Variants in GGA2 observed in about 807,000 individuals in gnomAD.
The protein encoded by GGA2 is golgi associated, gamma adaptin ear containing, ARF binding protein 2.
In GGA2, 48 loss-of-function variants were observed where a neutral mutation model predicts 79.5. That is an observed-to-expected ratio of 0.60 (90% CI 0.48 to 0.77). The LOEUF (loss-of-function observed/expected upper bound fraction) is 0.77. GGA2 is among the 30% of genes least tolerant of loss of function. The pLI, the probability that GGA2 is intolerant of heterozygous loss-of-function variation, is 0.00. For synonymous variants in GGA2, 317 were observed against 302.0 expected (o/e 1.05, Z -0.51); for missense variants, 770 against 774.0 (o/e 0.99, Z 0.06).
intron 10 of GGA2, 64 bp from the exon 11 acceptor site, chr16:23,479,951 C>T (rs1596981092): frequency 6.5e-7 from 1 of 1,544,460 alleles, no homozygotes; most frequent in East Asian, 2.3e-5. Context: ...CCACATAAAT[C>T]CTATCAGCTT....
intron 5 of GGA2, 93 bp downstream of exon 5, chr16:23,491,584 A>C (rs1007588901): frequency 1.7e-6 from 2 of 1,149,510 alleles, no homozygotes; most frequent in African/African-American, 3.1e-5. Context: ...CATAAGAAGT[A>C]CAGCTTTCAA....
At chr16:23,474,474 C>G (rs139549457) in intron 14 of GGA2, among the ~76,000 whole-genome samples, 2,023 of 152,198 alleles carry the variant, frequency 0.013, 47 homozygotes, top group African/African-American at 0.046. Flanking sequence ...TCTCCTGCCT[C>G]AGCCTCCCAA....
chr16:23,499,930 G>C (rs1964902168), intron 1 of GGA2, among the ~76,000 whole-genome samples: 1 of 152,262 alleles, frequency 6.6e-6, no homozygotes, highest in African/African-American at 2.4e-5. Context: ...ATCACGATGG[G>C]AACAGGGCAT....
upstream of GGA2, among the ~76,000 whole-genome samples, chr16:23,512,686 G>A (rs1965079897): frequency 6.7e-6 from 1 of 148,418 alleles, no homozygotes; most frequent in Non-Finnish European, 1.5e-5. Flanking sequence ...CCTCATTAAG[G>A]AGTTAAAGAA....
chr16:23,524,333 T>A, upstream of GGA2: 1 of 1,577,650 alleles, frequency 6.3e-7, no homozygotes, highest in Non-Finnish European at 8.7e-7. Context: ...AGCTCACAGG[T>A]TCTTAGGGCG....
chr16:23,504,496 C>G (rs143217445), intron 1 of GGA2, among the ~76,000 whole-genome samples: 1 of 152,220 alleles, frequency 6.6e-6, no homozygotes, highest in African/African-American at 2.4e-5. Context: ...ATACTGATAA[C>G]ACGGAGAGAT....
chr16:23,467,467 C>G lies in GGA2; in HGVS notation c.*123G>C, dbSNP rs1441670984. ...TGCAGAATAAGTCAGAGGTTGACAC[C>G]CAGAGCCTGACGTCAGGATAGGACT... On this transcript the variant is annotated 3_prime_UTR_variant, in exon 17 of 17. Coordinates refer to ENST00000309859, the MANE Select transcript of GGA2 (RefSeq NM_015044.4). The G allele has an allele frequency of 5.1e-6, 3 of 589,880 alleles. No homozygotes were observed. In the African/African-American group the frequency reaches 5.8e-5, roughly 11 times the overall value. 36.5% of individuals were successfully genotyped at this position (589,880 alleles called of 1,614,324 possible). A position where few individuals can be genotyped will look rare whatever the true frequency, so the allele number is the denominator to read the frequency against.
chr16:23,485,863 AG>A, intron 8 of GGA2, 151 bp downstream of exon 8: 1 of 707,430 alleles, frequency 1.4e-6, no homozygotes, highest in Non-Finnish European at 2.4e-6. Flanking sequence ...GGACAGACAA[AG>A]GGAGGACAAA....
intron 1 of GGA2, among the ~76,000 whole-genome samples, chr16:23,509,310 G>A (rs1206529080): frequency 6.6e-6 from 1 of 152,106 alleles, no homozygotes; most frequent in Non-Finnish European, 1.5e-5. Flanking sequence ...ACTTGTTCCC[G>A]GAGTGCTCCA....
chr16:23,481,272 C>T (rs1232791453), intron 9 of GGA2, among the ~76,000 whole-genome samples: 3 of 152,128 alleles, frequency 2.0e-5, no homozygotes, highest in Non-Finnish European at 4.4e-5. Flanking sequence ...ATTCGGGAGG[C>T]TGAGGTGGGA....
rs528884442 is a variant in GGA2 at position 23,491,875 on chromosome 16, C to T, written c.352-75G>A. Reference sequence around the variant, plus strand: ...ACCGACACTTTAACTAAAGAGGTAGCTGCTGAGGCCCAGAGACACAAGCTC... The same window carrying T: ...ACCGACACTTTAACTAAAGAGGTAGTTGCTGAGGCCCAGAGACACAAGCTC... On this transcript the variant is annotated intron_variant, in intron 4 of 16. Transcript: ENST00000309859. The T allele has an allele frequency of 4.8e-4, 484 of 1,013,960 alleles. 6 individuals are homozygous for T. In the South Asian group the frequency reaches 6.3e-3, roughly 13 times the overall value. The allele number at this position is 1,013,960 out of a possible 1,614,324, so 62.8% of individuals were successfully genotyped here.
intron 1 of GGA2, among the ~76,000 whole-genome samples, chr16:23,521,115 T>C (rs1461261312): frequency 1.3e-5 from 2 of 152,212 alleles, no homozygotes; most frequent in Admixed American, 6.5e-5. Flanking sequence ...TTTTAAAAAC[T>C]GTGGTAAAAT....
chr16:23,464,534 T>C lies in GGA2; in HGVS notation c.*3056A>G, dbSNP rs1964410150. 1 of 151,840 alleles carries C rather than the reference T, an allele frequency of 6.6e-6. No individual in the cohort carries two copies. Among genetic ancestry groups the C allele is most frequent in the Non-Finnish European group, 1.5e-5 (1 of 67,986 alleles). 9.4% of individuals were successfully genotyped at this position (151,840 alleles called of 1,614,324 possible). The stretch of plus-strand genomic sequence containing the variant: ...CAAGAACCAGAGCTGTTACTCAGAA[T>C]TGGGACAGAGGCATTGTCCCAAAAA... On this transcript the variant is annotated 3_prime_UTR_variant, in exon 17 of 17. Coordinates refer to ENST00000309859, the MANE Select transcript of GGA2 (RefSeq NM_015044.4).
At chr16:23,501,058 G>T in intron 1 of GGA2, 1 of 364,380 alleles carries the variant, frequency 2.7e-6, no homozygotes, top group Non-Finnish European at 5.4e-6. Flanking sequence ...ATAAAGCACA[G>T]ATACGCAAAT....
rs1284020884 is a variant in GGA2 at position 23,479,746 on chromosome 16, C to T, written c.1129+19G>A. On this transcript the variant is annotated intron_variant, in intron 11 of 16. Transcript: ENST00000309859. ...TCGCACCCATCCTGTGCCTGCTCCCCACAAGCACCTGCCCTCACCCAAGGC... is the reference window on the plus strand; with the variant it reads ...TCGCACCCATCCTGTGCCTGCTCCCTACAAGCACCTGCCCTCACCCAAGGC... 6.2e-7 allele frequency: 1 copy of T among 1,613,256 alleles called. No homozygotes were observed. The highest frequency in any genetic ancestry group is 1.3e-5 in the African/African-American group (1 of 74,916).
chr16:23,524,192 T>G (rs997021215), upstream of GGA2: 13 of 646,792 alleles, frequency 2.0e-5, no homozygotes, highest in Non-Finnish European at 3.3e-5. Context: ...CCCAGCCAAT[T>G]GACAAAAACG....
chr16:23,486,281 G>A (rs1270634887), intron 7 of GGA2, 129 bp from the exon 8 acceptor site: 1 of 773,982 alleles, frequency 1.3e-6, no homozygotes, highest in Non-Finnish European at 2.1e-6. Context: ...AAGTGCATGG[G>A]AGAACTCACA....
intron 1 of GGA2, among the ~76,000 whole-genome samples, 168 bp downstream of exon 1, chr16:23,510,153 T>C (rs1030022774): frequency 6.7e-6 from 1 of 150,332 alleles, no homozygotes; most frequent in Admixed American, 6.6e-5. Context: ...TTGGGGCTCC[T>C]CTCGGGGGAC....
chr16:23,512,594 C>T (rs1286791278), upstream of GGA2, among the ~76,000 whole-genome samples: 2 of 151,898 alleles, frequency 1.3e-5, no homozygotes, highest in East Asian at 3.8e-4. Context: ...CCAGTTCTGC[C>T]CCCACTTGCA....
Sources: gnomAD v4.1 joint callset for allele counts (sites outside exome capture counted in the v4.1 genomes callset) on GRCh38, gnomAD v4.1.1 for gene constraint, MANE v1.5 for transcripts, NCBI Gene and HGNC (gene_info 2026-07-23, HGNC 2026-07-21) for gene names.